RAPGEF2: variants seen among roughly 807,000 people sequenced by gnomAD.
RAPGEF2 encodes Rap guanine nucleotide exchange factor 2, also known as PDZ domain containing guanine nucleotide exchange factor (GEF) 1.
Under a neutral mutation model 186.7 loss-of-function variants are expected in RAPGEF2, and 54 were observed. The observed-to-expected ratio is 0.29, with a 90% CI of 0.23 to 0.36. RAPGEF2 has a LOEUF of 0.36. RAPGEF2 is among the 10% of genes least tolerant of loss of function. The pLI is 1.00. For missense variants in RAPGEF2, 1,532 were observed against 2,045.0 expected (o/e 0.75, Z 4.84); for synonymous variants, 712 against 705.9 (o/e 1.01, Z -0.14).
chr4:159,241,721 G>A (rs2111478282), intron 6 of RAPGEF2, among the ~76,000 whole-genome samples: 1 of 151,854 alleles, frequency 6.6e-6, no homozygotes, highest in South Asian at 2.1e-4. Flanking sequence ...ACATGTAATT[G>A]TAATTGGAAT....
Position 159,331,696 on chromosome 4 carries a change from A to T in RAPGEF2, c.1642A>T (p.Thr548Ser). The change falls in exon 15 of 30, where the codon ACG becomes TCG. Residue 548 changes from threonine (T) to serine (S), a missense_variant. Thr to Ser is a moderately conservative substitution (Grantham distance 58). Transcript: ENST00000691494. ...TGCTAAAGCAAAAAGAAGATTGATG[A>T]CGTTAACAAAACCATCCCGAGAAGC... ...CAAKAKRRLM[T>S]LTKPSREAPL... 1 of 1,614,152 alleles carries T rather than the reference A, an allele frequency of 6.2e-7. No homozygotes were observed. The highest frequency in any genetic ancestry group is 8.5e-7 in the Non-Finnish European group (1 of 1,180,010).
intron 7 of RAPGEF2, among the ~76,000 whole-genome samples, chr4:159,295,804 A>G (rs1167927527): frequency 3.3e-5 from 5 of 151,098 alleles, no homozygotes; most frequent in Non-Finnish European, 5.9e-5. Flanking sequence ...TGACCTTCAG[A>G]TGTTGGGGAA....
rs1218342995 is a variant in RAPGEF2 at position 159,304,433 on chromosome 4, C to A, written c.635C>A (p.Thr212Asn). 2 of 1,604,026 alleles carry A rather than the reference C, an allele frequency of 1.2e-6. No homozygotes were observed. Among genetic ancestry groups the A allele is most frequent in the South Asian group, 2.2e-5 (2 of 90,764 alleles). ...TCTAGCCATTCAGGATGTAGTATCA[C>A]TAGTGATTCTGGGAGCAGCAGTCTT... ...VSSSHSGCSI[T>N]SDSGSSSLSD... The change falls in exon 8 of 30, where the codon ACT becomes AAT. Residue 212 changes from threonine (T) to asparagine (N), a missense_variant. By Grantham distance (65) the Thr-to-Asn change is moderately conservative. This residue lies in a region of RAPGEF2 where 810 missense variants were observed against 1,210.5 expected (regional missense o/e 0.67). Coordinates refer to ENST00000691494, the MANE Select transcript of RAPGEF2 (RefSeq NM_001394067.2).
At chr4:159,268,086 G>A (rs1212965789) in intron 7 of RAPGEF2, 2 of 1,585,890 alleles carry the variant, frequency 1.3e-6, no homozygotes, top group Non-Finnish European at 1.7e-6. Flanking sequence ...TAATGCTGTA[G>A]AGGGTGACTT....
intron 9 of RAPGEF2, among the ~76,000 whole-genome samples, chr4:159,321,238 A>G (rs1236962382): frequency 6.8e-6 from 1 of 146,572 alleles, no homozygotes; most frequent in African/African-American, 2.5e-5. Flanking sequence ...ACAGAGTCTC[A>G]CTCTTTCACC....
intron 4 of RAPGEF2, among the ~76,000 whole-genome samples, chr4:159,224,448 A>G (rs1033284911): frequency 2.0e-5 from 3 of 152,212 alleles, no homozygotes; most frequent in Non-Finnish European, 2.9e-5. Context: ...GTGTTAGGCA[A>G]TAAAGATGGT....
intron 7 of RAPGEF2, among the ~76,000 whole-genome samples, chr4:159,287,129 C>G (rs1020447536): frequency 1.3e-5 from 2 of 149,820 alleles, no homozygotes; most frequent in Admixed American, 1.3e-4. Context: ...TTTTTTTTTT[C>G]TCTTTTGACT....
chr4:159,173,205 A>G (rs1422060857), intron 1 of RAPGEF2, among the ~76,000 whole-genome samples: 1 of 152,224 alleles, frequency 6.6e-6, no homozygotes, highest in Non-Finnish European at 1.5e-5. Flanking sequence ...TGTCCTAGAA[A>G]AATGGCTACA....
At chr4:159,255,186 A>G (rs1403203906) in intron 7 of RAPGEF2, among the ~76,000 whole-genome samples, 1 of 152,144 alleles carries the variant, frequency 6.6e-6, no homozygotes, top group Non-Finnish European at 1.5e-5. Context: ...GTACACTCCC[A>G]TGATGTTTGT....
In RAPGEF2 at chr4:159,356,248, A is replaced by G. The variant is rs6857169; in HGVS notation, c.4957+90A>G. ...GGCATTTCTGTTCTCTTAACACTGC[A>G]GTCAGCTATGTCTAACCATATACTA... On this transcript the variant is annotated intron_variant, in intron 29 of 29. Coordinates refer to ENST00000691494, the MANE Select transcript of RAPGEF2 (RefSeq NM_001394067.2). 2.1e-3 allele frequency: 2,748 copies of G among 1,314,102 alleles called. 35 individuals carry two copies. In the African/African-American group the frequency reaches 0.036, roughly 17 times the overall value. The allele number at this position is 1,314,102 out of a possible 1,614,324, so 81.4% of individuals were successfully genotyped here. A position where few individuals can be genotyped will look rare whatever the true frequency, so the allele number is the denominator to read the frequency against.
chr4:159,182,221 G>A (rs1370866935), intron 1 of RAPGEF2, among the ~76,000 whole-genome samples: 1 of 152,046 alleles, frequency 6.6e-6, no homozygotes, highest in Non-Finnish European at 1.5e-5. Flanking sequence ...TTATTTGAAA[G>A]TTGTCTATAT....
At chr4:159,328,739 G>C (rs1340865948) in intron 11 of RAPGEF2, 2 of 152,136 alleles carry the variant, frequency 1.3e-5, no homozygotes, top group Non-Finnish European at 2.9e-5. Flanking sequence ...TTACTCATCT[G>C]TACAGTGGGG....
intron 6 of RAPGEF2, among the ~76,000 whole-genome samples, chr4:159,242,307 ATAAT>A (rs996994935): frequency 6.6e-6 from 1 of 151,744 alleles, no homozygotes; most frequent in Admixed American, 6.6e-5. Context: ...ATAAAAATAG[ATAAT>A]TAACAACTAT....
intron 25 of RAPGEF2, among the ~76,000 whole-genome samples, chr4:159,349,745 G>A (rs966919173): frequency 1.3e-5 from 2 of 152,034 alleles, no homozygotes; most frequent in East Asian, 3.8e-4. Flanking sequence ...ACTCAAATTT[G>A]GTTTCTAATA....
At chr4:159,230,654 A>G (rs1752532769) in intron 4 of RAPGEF2, among the ~76,000 whole-genome samples, 1 of 152,130 alleles carries the variant, frequency 6.6e-6, no homozygotes, top group Non-Finnish European at 1.5e-5. Flanking sequence ...GGTAACCCTA[A>G]AGCTCTTTAT....
At chr4:159,280,484 A>G (rs979389021) in intron 7 of RAPGEF2, among the ~76,000 whole-genome samples, 2 of 152,204 alleles carry the variant, frequency 1.3e-5, no homozygotes, top group African/African-American at 4.8e-5. Context: ...ATGTCTGATC[A>G]TGATGGCTGT....
chr4:159,196,035 A>G (rs556578415), intron 3 of RAPGEF2, among the ~76,000 whole-genome samples: 3 of 152,112 alleles, frequency 2.0e-5, no homozygotes, highest in South Asian at 4.2e-4. Context: ...CCCGTATTTG[A>G]CTAGTTAGAA....
At chr4:159,185,086 A>G (rs1747421278) in intron 1 of RAPGEF2, among the ~76,000 whole-genome samples, 1 of 152,220 alleles carries the variant, frequency 6.6e-6, no homozygotes, top group Non-Finnish European at 1.5e-5. Flanking sequence ...AAGACGCTCA[A>G]CATCCTTAAT....
At chr4:159,131,519 A>ATTGGTTTTTTTTTTTTTTTTTTTTTTTTT in intron 1 of RAPGEF2, among the ~76,000 whole-genome samples, 3 of 37,212 alleles carry the variant, frequency 8.1e-5, no homozygotes, top group African/African-American at 1.2e-4. Flanking sequence ...ATTAATTGCT[A>ATTGGTTTTTTTTTTTTTTTTTTTTTTTTT]TTTTTTTTTT....
Sources: allele counts gnomAD v4.1 joint callset (sites outside exome capture counted in the v4.1 genomes callset), GRCh38; gene constraint gnomAD v4.1.1; regional missense constraint gnomAD v4.1.1; transcripts MANE v1.5; gene names NCBI Gene and HGNC (gene_info 2026-07-23, HGNC 2026-07-21).